The following OR3A1 variants were observed in gnomAD, a reference collection of about 807,000 sequenced individuals.
OR3A1 encodes olfactory receptor 3A1.
For synonymous variants in OR3A1, 145 were observed against 160.0 expected, an observed-to-expected ratio of 0.91 and a Z score of 0.71; for missense variants, 402 against 393.8, an observed-to-expected ratio of 1.02 and a Z score of -0.18.
intron 1 of OR3A1, among the ~76,000 whole-genome samples, chr17:3,297,393 T>A (rs958085700): frequency 1.3e-5 from 2 of 152,232 alleles, no homozygotes; most frequent in African/African-American, 4.8e-5. Flanking sequence ...TTTACACCCT[T>A]TGATTCTGTA....
intron 1 of OR3A1, among the ~76,000 whole-genome samples, chr17:3,294,424 G>A (rs532316094): frequency 2.6e-5 from 4 of 152,066 alleles, no homozygotes; most frequent in Non-Finnish European, 5.9e-5. Context: ...AGAAAAGAGA[G>A]AAAATGACAG....
chr17:3,296,912 A>T (rs535998931), intron 1 of OR3A1, among the ~76,000 whole-genome samples: 3 of 152,230 alleles, frequency 2.0e-5, no homozygotes, highest in Non-Finnish European at 4.4e-5. Context: ...CTGTACTGGG[A>T]TATTGAAGAA....
At chr17:3,294,091 C>T (rs1455790548) in intron 1 of OR3A1, among the ~76,000 whole-genome samples, 2 of 151,818 alleles carry the variant, frequency 1.3e-5, no homozygotes, top group Non-Finnish European at 2.9e-5. Flanking sequence ...GCATGTCCTG[C>T]ACATGTACCC....
At chr17:3,295,692 T>C (rs760534564) in intron 1 of OR3A1, among the ~76,000 whole-genome samples, 3 of 152,052 alleles carry the variant, frequency 2.0e-5, no homozygotes, top group Non-Finnish European at 4.4e-5. Context: ...TGCCAAAATA[T>C]ACAGCCAAAA....
chr17:3,291,519 C>T lies in OR3A1; in HGVS notation c.*116G>A. 1.4e-6 allele frequency: 1 copy of T among 727,636 alleles called. No homozygotes were observed. The highest frequency in any genetic ancestry group is 2.2e-6 in the Non-Finnish European group (1 of 451,116). The allele number at this position is 727,636 out of a possible 1,614,324, so 45.1% of individuals were successfully genotyped here. On this transcript the variant is annotated 3_prime_UTR_variant, in exon 2 of 2. Coordinates refer to ENST00000323404, the MANE Select transcript of OR3A1 (RefSeq NM_002550.3). ...AAAACTATTATTCCCTACAAAAAGT[C>T]CTTCTTATGCCCATGAAACAGAAAC...
At chr17:3,297,006 G>GC (rs2048924090) in intron 1 of OR3A1, among the ~76,000 whole-genome samples, 1 of 152,152 alleles carries the variant, frequency 6.6e-6, no homozygotes, top group African/African-American at 2.4e-5. Context: ...GCCAGTAGCT[G>GC]CCCCCTCTGG....
chr17:3,296,544 TATTA>T (rs1317709639), intron 1 of OR3A1, among the ~76,000 whole-genome samples: 3 of 152,166 alleles, frequency 2.0e-5, no homozygotes, highest in African/African-American at 7.2e-5. Context: ...TTAAATTTTT[TATTA>T]ATTCAATCAA....
At chr17:3,293,808 G>A (rs1410660879) in intron 1 of OR3A1, among the ~76,000 whole-genome samples, 2 of 152,202 alleles carry the variant, frequency 1.3e-5, no homozygotes, top group Non-Finnish European at 2.9e-5. Flanking sequence ...CCTTTGCAGG[G>A]ATGTGGATGA....
chr17:3,293,354 G>A (rs1286852403), intron 1 of OR3A1, among the ~76,000 whole-genome samples: 1 of 152,038 alleles, frequency 6.6e-6, no homozygotes, highest in Non-Finnish European at 1.5e-5. Context: ...GGAGGCAAAA[G>A]GTAGAAAAAA....
chr17:3,292,937 C>T (rs1414605857), intron 1 of OR3A1, among the ~76,000 whole-genome samples: 1 of 151,802 alleles, frequency 6.6e-6, no homozygotes, highest in Non-Finnish European at 1.5e-5. Flanking sequence ...CCGAGTAAAT[C>T]CAAAATGTTC....
intron 1 of OR3A1, among the ~76,000 whole-genome samples, chr17:3,296,753 G>A (rs745536421): frequency 6.6e-6 from 1 of 152,066 alleles, no homozygotes; most frequent in African/African-American, 2.4e-5. Context: ...ATTGAAACAA[G>A]CTAATTACTA....
At chr17:3,294,131 TA>T (rs1310193876) in intron 1 of OR3A1, among the ~76,000 whole-genome samples, 1 of 149,376 alleles carries the variant, frequency 6.7e-6, no homozygotes. Context: ...ATAATAACAA[TA>T]AAAAAGAAAA....
chr17:3,292,721 G>A (rs1255844602), intron 1 of OR3A1, 133 bp from the exon 2 acceptor site: 5 of 670,444 alleles, frequency 7.5e-6, no homozygotes, highest in South Asian at 2.0e-5. Flanking sequence ...GGAATTTTGC[G>A]CTCCTTAGGC....
intron 1 of OR3A1, among the ~76,000 whole-genome samples, chr17:3,296,925 A>AAAGC (rs1382767591): frequency 2.0e-5 from 3 of 152,254 alleles, no homozygotes; most frequent in African/African-American, 4.8e-5. Context: ...TTGAAGAAGG[A>AAAGC]AAGCTTTTCA....
At position 3,291,889 on chromosome 17, in the gene OR3A1, G is replaced by T; in HGVS notation, c.694C>A (p.Arg232Ser). 1 of 1,614,238 alleles carries T rather than the reference G, an allele frequency of 6.2e-7. No homozygotes were observed. ...GCTTTCTTCCTGCCCTCTACAGAGC[G>T]AATTCGCAGGACTGCAGCTGCCACG... ...IHVAAAVLRI[R>S]SVEGRKKAFS... Residue 232 changes from arginine (R) to serine (S), a missense_variant, in exon 2 of 2, where the codon CGC becomes AGC. Transcript: ENST00000323404.
intron 1 of OR3A1, among the ~76,000 whole-genome samples, chr17:3,295,398 A>C (rs1038347967): frequency 6.6e-6 from 1 of 152,082 alleles, no homozygotes; most frequent in Non-Finnish European, 1.5e-5. Context: ...ATTAGTAGAC[A>C]CTGACTAAAA....
At chr17:3,295,629 T>C (rs951271669) in intron 1 of OR3A1, among the ~76,000 whole-genome samples, 3 of 152,026 alleles carry the variant, frequency 2.0e-5, no homozygotes, top group Non-Finnish European at 4.4e-5. Flanking sequence ...CAAGCTCATC[T>C]AGTAAAAGAA....
intron 1 of OR3A1, among the ~76,000 whole-genome samples, chr17:3,294,329 CA>C (rs1357744188): frequency 6.6e-6 from 1 of 150,998 alleles, no homozygotes; most frequent in East Asian, 2.0e-4. Context: ...ATTACTATAC[CA>C]AAAAAACCAA....
intron 1 of OR3A1, among the ~76,000 whole-genome samples, chr17:3,293,292 A>G (rs1421513800): frequency 6.6e-6 from 1 of 152,240 alleles, no homozygotes; most frequent in Non-Finnish European, 1.5e-5. Flanking sequence ...AGAAGCAGAG[A>G]AAAGGCTAAA....
Sources: allele counts gnomAD v4.1 joint callset (sites outside exome capture counted in the v4.1 genomes callset), GRCh38; gene constraint gnomAD v4.1.1; transcripts MANE v1.5; gene names NCBI Gene and HGNC (gene_info 2026-07-23, HGNC 2026-07-21).